The following SLC38A1 variants were observed in gnomAD, a reference collection of about 807,000 sequenced individuals.
The protein encoded by SLC38A1 is solute carrier family 38 member 1, also known as sodium-coupled neutral amino acid symporter 1.
Under a neutral mutation model 60.3 loss-of-function variants are expected in SLC38A1, and 18 were observed. That is an observed-to-expected ratio of 0.30 (90% CI 0.21 to 0.44). SLC38A1 has a LOEUF of 0.44. SLC38A1 is among the 20% of genes least tolerant of loss of function. The pLI is 1.00. For missense variants in SLC38A1, 448 were observed against 587.2 expected (o/e 0.76, Z 2.45); for synonymous variants, 196 against 212.1 (o/e 0.92, Z 0.66).
chr12:46,207,133 A>C, intron 8 of SLC38A1, 22 bp downstream of exon 8: 1 of 1,488,652 alleles, frequency 6.7e-7, no homozygotes, highest in Non-Finnish European at 9.2e-7. Context: ...GTTATATCAT[A>C]AAAAAATGGT....
intron 1 of SLC38A1, among the ~76,000 whole-genome samples, chr12:46,250,958 C>A (rs971743984): frequency 1.3e-5 from 2 of 152,114 alleles, no homozygotes; most frequent in African/African-American, 4.8e-5. Context: ...CATCAAGCTA[C>A]CAATGACTTT....
chr12:46,189,075 G>C lies in SLC38A1; in HGVS notation c.1363-4C>G. On this transcript the variant is annotated splice_polypyrimidine_tract_variant and splice_region_variant and intron_variant, in intron 16 of 16. Coordinates refer to ENST00000398637, the MANE Select transcript of SLC38A1 (RefSeq NM_030674.4). The stretch of plus-strand genomic sequence containing the variant: ...CCAGGCCCAAGAAAAGGGCAGCCTG[G>C]AGCAAGAGAAAGGCAAGGGTTATTT... 1 of 1,613,044 alleles carries C rather than the reference G, an allele frequency of 6.2e-7. No homozygotes were observed. The highest frequency in any genetic ancestry group is 8.5e-7 in the Non-Finnish European group (1 of 1,179,394).
rs919601131 is a variant in SLC38A1 at position 46,183,552 on chromosome 12, G to A, written c.*5418C>T. ...TAGATCCCAAAGTTTGAGAAATGCA[G>A]CAATTCAATTGTGAAAAAAACATTC... On this transcript the variant is annotated 3_prime_UTR_variant, in exon 17 of 17. Coordinates refer to ENST00000398637, the MANE Select transcript of SLC38A1 (RefSeq NM_030674.4). 2.0e-5 allele frequency: 3 copies of A among 152,124 alleles called. No individual in the cohort carries two copies. Among genetic ancestry groups the A allele is most frequent in the Non-Finnish European group, 4.4e-5 (3 of 68,032 alleles). The allele number at this position is 152,124 out of a possible 1,614,324, so 9.4% of individuals were successfully genotyped here. A position where few individuals can be genotyped will look rare whatever the true frequency, so the allele number is the denominator to read the frequency against.
chr12:46,243,235 T>C lies in SLC38A1; in HGVS notation c.-129A>G, dbSNP rs1325820697. ...AGCAAGCAGAGACGATCACTCTATATATATTGTTGTATGGCCTTCCAGGGT... is the reference window on the plus strand; with the variant it reads ...AGCAAGCAGAGACGATCACTCTATACATATTGTTGTATGGCCTTCCAGGGT... On this transcript the variant is annotated 5_prime_UTR_variant, in exon 2 of 17. It adds an upstream start codon to the 5' untranslated region. Transcript: ENST00000398637. 6.6e-6 allele frequency: 1 copy of C among 152,046 alleles called. No homozygotes were observed. Among genetic ancestry groups the C allele is most frequent in the Non-Finnish European group, 1.5e-5 (1 of 68,022 alleles). The allele number at this position is 152,046 out of a possible 1,614,324, so 9.4% of individuals were successfully genotyped here. A position where few individuals can be genotyped will look rare whatever the true frequency, so the allele number is the denominator to read the frequency against.
chr12:46,206,847 T>G (rs547341970), intron 8 of SLC38A1, among the ~76,000 whole-genome samples: 1 of 152,312 alleles, frequency 6.6e-6, no homozygotes, highest in South Asian at 2.1e-4. Flanking sequence ...TCCACTTTTG[T>G]GTTAAAAATA....
At chr12:46,247,248 G>A (rs1460662288) in intron 1 of SLC38A1, among the ~76,000 whole-genome samples, 8 of 152,170 alleles carry the variant, frequency 5.3e-5, no homozygotes, top group Non-Finnish European at 1.2e-4. Context: ...AGCTAAAGGA[G>A]GATGTTCTAT....
intron 5 of SLC38A1, among the ~76,000 whole-genome samples, chr12:46,210,921 T>C (rs1940137000): frequency 6.6e-6 from 1 of 152,196 alleles, no homozygotes. Flanking sequence ...AGGGTAGGTC[T>C]CTTATCTCTT....
intron 3 of SLC38A1, among the ~76,000 whole-genome samples, chr12:46,234,510 C>T (rs1022247129): frequency 2.0e-5 from 3 of 149,654 alleles, no homozygotes; most frequent in Non-Finnish European, 3.0e-5. Flanking sequence ...TGCAGTGGCG[C>T]TATCTCGGCT....
chr12:46,205,915 T>C (rs541165778), intron 9 of SLC38A1, among the ~76,000 whole-genome samples, 165 bp downstream of exon 9: 12 of 152,228 alleles, frequency 7.9e-5, no homozygotes, highest in Non-Finnish European at 1.6e-4. Context: ...GACTGTTATT[T>C]TTATCCCATA....
chr12:46,215,063 A>G (rs1160110692), intron 5 of SLC38A1, among the ~76,000 whole-genome samples: 1 of 152,226 alleles, frequency 6.6e-6, no homozygotes, highest in African/African-American at 2.4e-5. Context: ...CCTGAGATTC[A>G]GCATTTCTAA....
At chr12:46,233,892 G>A (rs181165164) in intron 3 of SLC38A1, among the ~76,000 whole-genome samples, 2 of 152,236 alleles carry the variant, frequency 1.3e-5, no homozygotes, top group Admixed American at 1.3e-4. Flanking sequence ...GCAATTCCAG[G>A]TACTACTTAA....
At chr12:46,191,853 A>G (rs541105205) in intron 16 of SLC38A1, among the ~76,000 whole-genome samples, 28 of 152,336 alleles carry the variant, frequency 1.8e-4, no homozygotes, top group African/African-American at 6.7e-4. Flanking sequence ...TTTTCTAAAT[A>G]TACAATCAGG....
intron 5 of SLC38A1, among the ~76,000 whole-genome samples, chr12:46,219,282 C>T (rs1293283940): frequency 1.3e-5 from 2 of 152,290 alleles, no homozygotes; most frequent in East Asian, 3.9e-4. Context: ...CTTTCACTGT[C>T]ATAATTTCCT....
intron 12 of SLC38A1, among the ~76,000 whole-genome samples, chr12:46,201,873 G>T (rs560918484): frequency 6.7e-6 from 1 of 149,380 alleles, no homozygotes; most frequent in Non-Finnish European, 1.5e-5. Context: ...AATCTAGGAT[G>T]CCATAGAAGT....
At chr12:46,244,823 G>A (rs576130036) in intron 1 of SLC38A1, among the ~76,000 whole-genome samples, 42 of 152,268 alleles carry the variant, frequency 2.8e-4, no homozygotes, top group Middle Eastern at 3.4e-3. Context: ...TTTCCTTAGC[G>A]TAAACAGATC....
rs1941387980 is a variant in SLC38A1, at chr12:46,239,857, A to G, written c.-57T>C. The stretch of plus-strand genomic sequence containing the variant: ...TCCAAATTTCTCCTGTTCTGAGTGT[A>G]TTTAGAAGTAGATACCAAAATGGAA... On this transcript the variant is annotated 5_prime_UTR_variant, in exon 3 of 17. Transcript: ENST00000398637. 6.3e-7 allele frequency: 1 copy of G among 1,584,814 alleles called. No individual in the cohort carries two copies. Among genetic ancestry groups the G allele is most frequent in the Non-Finnish European group, 8.6e-7 (1 of 1,161,092 alleles).
At chr12:46,233,240 C>T (rs1941142446) in intron 3 of SLC38A1, among the ~76,000 whole-genome samples, 1 of 152,008 alleles carries the variant, frequency 6.6e-6, no homozygotes, top group Non-Finnish European at 1.5e-5. Flanking sequence ...CCACGCTGGT[C>T]TCGAACTCCT....
Position 46,244,240 on chromosome 12 carries a change from A to T in SLC38A1, c.-208-926T>A, listed in dbSNP as rs1565788020. Among the ~76,000 whole-genome samples the T allele has an allele frequency of 2.0e-5, 3 of 152,324 alleles. No individual in the cohort carries two copies. The South Asian group carries it at 6.2e-4, about 32-fold the overall frequency. On this transcript the variant is annotated intron_variant, in intron 1 of 16. Coordinates refer to ENST00000398637, the MANE Select transcript of SLC38A1 (RefSeq NM_030674.4). ...GGAGAGATCAGGTAAGTCTTAATTT[A>T]ATAAAGAGATAGGACCTGAACTGTG...
intron 5 of SLC38A1, among the ~76,000 whole-genome samples, chr12:46,213,577 C>G (rs1257489592): frequency 6.6e-6 from 1 of 152,242 alleles, no homozygotes; most frequent in Non-Finnish European, 1.5e-5. Context: ...TTATCTCTCA[C>G]CCATTCCCTC....
Sources: gnomAD v4.1 joint callset for allele counts (sites outside exome capture counted in the v4.1 genomes callset) on GRCh38, gnomAD v4.1.1 for gene constraint, MANE v1.5 for transcripts, NCBI Gene and HGNC (gene_info 2026-07-23, HGNC 2026-07-21) for gene names.